MTRF1: variants seen among roughly 807,000 people sequenced by gnomAD.
MTRF1 encodes the protein mitochondrial translation release factor 1.
In MTRF1, 51 loss-of-function variants were observed where a neutral mutation model predicts 62.9. The ratio of observed to expected loss-of-function variants is 0.81; its 90% CI spans 0.65 to 1.02. The LOEUF (loss-of-function observed/expected upper bound fraction) is 1.02. MTRF1 is among the 50% of genes least tolerant of loss of function. The probability of loss-of-function intolerance (pLI) is 0.00; values close to 1 mark genes in which losing one functional copy is unlikely to be tolerated. For synonymous variants in MTRF1, 158 were observed against 181.9 expected (o/e 0.87, Z 1.06); for missense variants, 446 against 530.0 (o/e 0.84, Z 1.56).
chr13:41,274,762 A>G, the MTRF1 span, among the ~76,000 whole-genome samples: 1 of 151,888 alleles, frequency 6.6e-6, no homozygotes, highest in Non-Finnish European at 1.5e-5. Flanking sequence ...CACCCTCCCA[A>G]GTAGCTGGGA....
At chr13:41,307,146 A>T in the MTRF1 span, among the ~76,000 whole-genome samples, 45 of 150,536 alleles carry the variant, frequency 3.0e-4, no homozygotes, top group South Asian at 8.5e-4. Context: ...CCTCACCCCC[A>T]CACTAGTGTA....
the MTRF1 span, among the ~76,000 whole-genome samples, chr13:41,310,430 G>C: frequency 6.6e-6 from 1 of 152,318 alleles, no homozygotes; most frequent in South Asian, 2.1e-4. Flanking sequence ...CAGCACTTTC[G>C]GAGGTTGACG....
intron 2 of MTRF1, among the ~76,000 whole-genome samples, chr13:41,258,510 G>A (rs2040004450): frequency 1.3e-5 from 2 of 150,926 alleles, no homozygotes; most frequent in African/African-American, 2.4e-5. Flanking sequence ...TACTCAGAAG[G>A]CTGAGGCAGG....
intron 3 of MTRF1, 133 bp downstream of exon 3, chr13:41,254,396 A>G (rs1431548617): frequency 1.1e-5 from 5 of 470,456 alleles, no homozygotes; most frequent in Non-Finnish European, 1.9e-5. Flanking sequence ...ACAGGAGACC[A>G]GCTTGATCAC....
intron 5 of MTRF1, among the ~76,000 whole-genome samples, chr13:41,247,593 C>G (rs1209657649): frequency 1.3e-5 from 2 of 152,116 alleles, no homozygotes; most frequent in East Asian, 3.8e-4. Context: ...AATCACCACT[C>G]CTGCATTTTT....
chr13:41,266,209 C>T (rs1468741514), upstream of MTRF1, among the ~76,000 whole-genome samples: 2 of 151,814 alleles, frequency 1.3e-5, no homozygotes, highest in Admixed American at 6.6e-5. Context: ...CTCAAACTCC[C>T]AGCCTCCTAA....
At position 41,254,831 on chromosome 13, in the gene MTRF1, G is replaced by A. The variant is rs143380839; in HGVS notation, c.416-211C>T. 5.9e-5 allele frequency among the ~76,000 whole-genome samples: 9 copies of A among 151,744 alleles called. No homozygotes were observed. The South Asian group carries it at 6.2e-4, about 11-fold the overall frequency. ...ACTCAATGTGAAAAGCAATATAATC[G>A]TGCTTCCCAAAACCTTGTGTTTTTT... On this transcript the variant is annotated intron_variant, in intron 2 of 9. Transcript: ENST00000379480.
Position 41,217,290 on chromosome 13 carries a change from GTTTA to G in MTRF1, c.1225-66_1225-63del, listed in dbSNP as rs1034113419. The G allele has an allele frequency of 2.7e-5, 26 of 946,270 alleles. No homozygotes were observed. In the African/African-American group the frequency reaches 3.0e-4, roughly 11 times the overall value. The allele number at this position is 946,270 out of a possible 1,614,324, so 58.6% of individuals were successfully genotyped here. A position where few individuals can be genotyped will look rare whatever the true frequency, so the allele number is the denominator to read the frequency against. On this transcript the variant is annotated intron_variant, in intron 9 of 9. Coordinates refer to ENST00000379480, the MANE Select transcript of MTRF1 (RefSeq NM_004294.4). ...TAGAAATATAAGCAAAGACTTTAGT[GTTTA>G]TTTATTTAATTTCTTTGCAGTCATT...
chr13:41,260,484 T>C lies in MTRF1; in HGVS notation c.415+9A>G, dbSNP rs768119215. The C allele has an allele frequency of 5.6e-6, 9 of 1,606,552 alleles. No homozygotes were observed. The African/African-American group carries it at 1.1e-4, about 19-fold the overall frequency. ...CCTTATGCAGGACACATAAGTATCT[T>C]TTACCTACTTTTACACATTGATTCT... On this transcript the variant is annotated intron_variant, in intron 2 of 9. Transcript: ENST00000379480.
chr13:41,302,753 T>A, the MTRF1 span, among the ~76,000 whole-genome samples: 1 of 152,120 alleles, frequency 6.6e-6, no homozygotes. Context: ...CTCAAACTCC[T>A]GGGCTCAAGT....
chr13:41,261,055 T>G, intron 1 of MTRF1, 140 bp from the exon 2 acceptor site: 788 of 673,404 alleles, frequency 1.2e-3, no homozygotes, highest in Non-Finnish European at 1.5e-3. Context: ...AACTGCCGGC[T>G]GGCAGCAGTG....
At chr13:41,260,169 T>C (rs1594062292) in intron 2 of MTRF1, among the ~76,000 whole-genome samples, 1 of 152,000 alleles carries the variant, frequency 6.6e-6, no homozygotes, top group African/African-American at 2.4e-5. Context: ...TAGGTTTTTT[T>C]AAAAGACTGA....
intron 5 of MTRF1, among the ~76,000 whole-genome samples, chr13:41,244,679 G>T (rs2038002024): frequency 6.6e-6 from 1 of 152,194 alleles, no homozygotes; most frequent in South Asian, 2.1e-4. Flanking sequence ...GGAGAAACAG[G>T]TCGCTATGTT....
chr13:41,292,350 C>T, the MTRF1 span, among the ~76,000 whole-genome samples: 1 of 151,960 alleles, frequency 6.6e-6, no homozygotes, highest in Non-Finnish European at 1.5e-5. Flanking sequence ...TTTGGGAGAC[C>T]AAGGTGAGAG....
At chr13:41,219,086 A>G (rs1010808071) in intron 9 of MTRF1, among the ~76,000 whole-genome samples, 1 of 146,694 alleles carries the variant, frequency 6.8e-6, no homozygotes, top group African/African-American at 2.5e-5. Flanking sequence ...AGGTCAGGAG[A>G]TTGAGACCAG....
At chr13:41,261,131 C>A (rs1422347881) in intron 1 of MTRF1, among the ~76,000 whole-genome samples, 1 of 152,090 alleles carries the variant, frequency 6.6e-6, no homozygotes, top group Non-Finnish European at 1.5e-5. Flanking sequence ...GGCAGGAGTT[C>A]GAGACCAGCC....
intron 8 of MTRF1, among the ~76,000 whole-genome samples, chr13:41,225,166 C>G (rs1323383496): frequency 1.4e-5 from 2 of 142,582 alleles, no homozygotes; most frequent in Non-Finnish European, 3.0e-5. Context: ...GAGCCAAGAT[C>G]GTGCCACTGC....
At chr13:41,299,225 G>A in the MTRF1 span, among the ~76,000 whole-genome samples, 1 of 151,846 alleles carries the variant, frequency 6.6e-6, no homozygotes, top group Non-Finnish European at 1.5e-5. Flanking sequence ...GAGAGAGAAA[G>A]AGGAGCTGAA....
At chr13:41,238,579 A>T (rs989262166) in intron 6 of MTRF1, among the ~76,000 whole-genome samples, 1 of 152,208 alleles carries the variant, frequency 6.6e-6, no homozygotes, top group African/African-American at 2.4e-5. Context: ...ACCATCTTGC[A>T]ACTCCAAAGT....
Sources: allele counts gnomAD v4.1 joint callset (sites outside exome capture counted in the v4.1 genomes callset), GRCh38; gene constraint gnomAD v4.1.1; transcripts MANE v1.5; gene names NCBI Gene and HGNC (gene_info 2026-07-23, HGNC 2026-07-21).